CSMD2: variants seen among roughly 807,000 people sequenced by gnomAD.
The protein encoded by CSMD2 is CUB and sushi domain-containing protein 2.
Under a neutral mutation model 398.5 loss-of-function variants are expected in CSMD2, and 130 were observed. The observed-to-expected ratio is 0.33, with a 90% CI of 0.28 to 0.38. The LOEUF (loss-of-function observed/expected upper bound fraction) is 0.38, where lower values mean the gene tolerates loss of function less well. CSMD2 is among the 10% of genes least tolerant of loss of function. CSMD2 has a pLI of 1.00. For missense variants in CSMD2, 3,829 were observed against 4,764.9 expected (o/e 0.80, Z 5.78); for synonymous variants, 1,828 against 1,908.5 (o/e 0.96, Z 1.10).
At chr1:33,737,710 CCATT>C (rs1317605442) in intron 15 of CSMD2, among the ~76,000 whole-genome samples, 2 of 152,134 alleles carry the variant, frequency 1.3e-5, no homozygotes, top group African/African-American at 4.8e-5. Context: ...AGTTAAAAGG[CCATT>C]CATTCATTCA....
At position 33,969,953 on chromosome 1, in the gene CSMD2, A is replaced by G. The variant is rs115069949; in HGVS notation, c.518-33999T>C. On this transcript the variant is annotated intron_variant, in intron 3 of 70. Coordinates refer to ENST00000373381, the MANE Select transcript of CSMD2 (RefSeq NM_001281956.2). The stretch of plus-strand genomic sequence containing the variant: ...GAGAAACCCCACCTCTACTAAAAAA[A>G]GATTCAACCGGGCGTGGTGGTGCAT... Among the ~76,000 whole-genome samples the G allele has an allele frequency of 1.0e-2, 1,515 of 152,252 alleles. 24 individuals are homozygous for G. The highest frequency in any genetic ancestry group is 0.035 in the African/African-American group (1,454 of 41,546).
chr1:33,658,863 C>G (rs1273966888), intron 26 of CSMD2, among the ~76,000 whole-genome samples: 1 of 152,154 alleles, frequency 6.6e-6, no homozygotes, highest in Non-Finnish European at 1.5e-5. Context: ...GAGCTCATCT[C>G]TAAAACAAAC....
At chr1:33,971,133 G>A (rs1222282518) in intron 3 of CSMD2, among the ~76,000 whole-genome samples, 1 of 152,182 alleles carries the variant, frequency 6.6e-6, no homozygotes, top group African/African-American at 2.4e-5. Flanking sequence ...GAAGTCACTA[G>A]CAGTTAACAG....
intron 5 of CSMD2, among the ~76,000 whole-genome samples, chr1:33,899,400 A>G (rs886449151): frequency 1.3e-5 from 2 of 152,212 alleles, no homozygotes; most frequent in African/African-American, 4.8e-5. Flanking sequence ...CAGAAAGAGC[A>G]GAGGTTGGGA....
intron 55 of CSMD2, among the ~76,000 whole-genome samples, chr1:33,555,853 TTGC>T (rs930143802): frequency 7.9e-5 from 12 of 152,378 alleles, no homozygotes; most frequent in African/African-American, 2.9e-4. Flanking sequence ...TTTTGCTTTA[TTGC>T]AGTAGTCTGG....
intron 16 of CSMD2, 73 bp downstream of exon 16, chr1:33,726,474 C>T: frequency 1.3e-6 from 2 of 1,512,724 alleles, no homozygotes; most frequent in South Asian, 1.3e-5. Context: ...CCTATCCACC[C>T]TGCATTCCCT....
intron 7 of CSMD2, among the ~76,000 whole-genome samples, chr1:33,821,091 C>G (rs1159260054): frequency 1.3e-5 from 2 of 152,212 alleles, no homozygotes; most frequent in Non-Finnish European, 2.9e-5. Flanking sequence ...GACATTTCTT[C>G]TGAGAAACCT....
intron 13 of CSMD2, among the ~76,000 whole-genome samples, chr1:33,759,395 T>C (rs919746065): frequency 8.0e-5 from 12 of 149,236 alleles, no homozygotes; most frequent in Non-Finnish European, 1.6e-4. Flanking sequence ...GCGCAATCTC[T>C]GCTCACTGCA....
intron 3 of CSMD2, among the ~76,000 whole-genome samples, chr1:33,995,242 A>T (rs1343140792): frequency 6.6e-6 from 1 of 152,176 alleles, no homozygotes; most frequent in Non-Finnish European, 1.5e-5. Flanking sequence ...CCACACTTGG[A>T]CGACTCTGCT....
intron 55 of CSMD2, among the ~76,000 whole-genome samples, chr1:33,550,918 G>A (rs1399004950): frequency 6.6e-6 from 1 of 152,216 alleles, no homozygotes; most frequent in Non-Finnish European, 1.5e-5. Flanking sequence ...CTAGGCAAGG[G>A]TAATGCTTTC....
At chr1:33,823,219 C>T (rs1407504186) in intron 7 of CSMD2, among the ~76,000 whole-genome samples, 1 of 152,190 alleles carries the variant, frequency 6.6e-6, no homozygotes, top group Non-Finnish European at 1.5e-5. Flanking sequence ...CAGAAAGTCA[C>T]AAACCCAACG....
chr1:33,597,814 T>A (rs1639939150), intron 44 of CSMD2, among the ~76,000 whole-genome samples: 1 of 152,244 alleles, frequency 6.6e-6, no homozygotes, highest in Admixed American at 6.5e-5. Context: ...TTCTTATTGC[T>A]TGAAATGAAA....
intron 46 of CSMD2, among the ~76,000 whole-genome samples, chr1:33,584,398 G>A (rs1182458455): frequency 6.6e-6 from 1 of 152,164 alleles, no homozygotes; most frequent in African/African-American, 2.4e-5. Flanking sequence ...CATGCTGGGT[G>A]CGGAGGCTCA....
intron 1 of CSMD2, among the ~76,000 whole-genome samples, chr1:34,120,717 GTA>G (rs1662093621): frequency 6.6e-6 from 1 of 152,032 alleles, no homozygotes; most frequent in Non-Finnish European, 1.5e-5. Context: ...GCTAATTTTT[GTA>G]TTTTTAGAAG....
intron 19 of CSMD2, among the ~76,000 whole-genome samples, chr1:33,722,253 G>T (rs1646381665): frequency 6.6e-6 from 1 of 152,242 alleles, no homozygotes; most frequent in Non-Finnish European, 1.5e-5. Flanking sequence ...GGCAGGTACA[G>T]TTGTCCCTCT....
rs543039711 is a variant in CSMD2, at chr1:33,577,681, C to T, written c.7388-197G>A. On this transcript the variant is annotated intron_variant, in intron 48 of 70. Coordinates refer to ENST00000373381, the MANE Select transcript of CSMD2 (RefSeq NM_001281956.2). The stretch of plus-strand genomic sequence containing the variant: ...GGTTGGTAAAGCCGAAACAAAACAA[C>T]GGAAACAAAACAAAACAAAACAAAA... Among the ~76,000 whole-genome samples the T allele has an allele frequency of 3.3e-5, 5 of 152,000 alleles. No individual in the cohort carries two copies. In the East Asian group the frequency reaches 5.8e-4, roughly 18 times the overall value.
intron 25 of CSMD2, among the ~76,000 whole-genome samples, chr1:33,668,831 T>G (rs924213876): frequency 6.6e-6 from 1 of 152,246 alleles, no homozygotes; most frequent in African/African-American, 2.4e-5. Context: ...GCATGTTGCA[T>G]GTCAAGCTCT....
intron 64 of CSMD2, among the ~76,000 whole-genome samples, chr1:33,532,112 T>G (rs924414716): frequency 6.6e-6 from 1 of 152,230 alleles, no homozygotes; most frequent in Non-Finnish European, 1.5e-5. Context: ...TCTCTGACCC[T>G]GAAGGCTTCC....
At chr1:34,153,047 C>T (rs908349683) in intron 1 of CSMD2, among the ~76,000 whole-genome samples, 19 of 152,284 alleles carry the variant, frequency 1.2e-4, no homozygotes, top group Non-Finnish European at 1.8e-4. Flanking sequence ...GACAGACTCT[C>T]GCTCTGTCAC....
Sources: allele counts gnomAD v4.1 joint callset (sites outside exome capture counted in the v4.1 genomes callset), GRCh38; gene constraint gnomAD v4.1.1; transcripts MANE v1.5; gene names NCBI Gene and HGNC (gene_info 2026-07-23, HGNC 2026-07-21).